CREB3L2: variants seen among roughly 807,000 people sequenced by gnomAD.
CREB3L2 encodes cyclic AMP-responsive element-binding protein 3-like protein 2.
In CREB3L2, 23 loss-of-function variants were observed where a neutral mutation model predicts 57.2. The ratio of observed to expected loss-of-function variants is 0.40; its 90% CI spans 0.29 to 0.57. The LOEUF is 0.57. CREB3L2 is among the 20% of genes least tolerant of loss of function. The pLI, the probability that CREB3L2 is intolerant of heterozygous loss-of-function variation, is 0.42. For synonymous variants in CREB3L2, 268 were observed against 265.1 expected, an observed-to-expected ratio of 1.01 and a Z score of -0.11; for missense variants, 628 against 634.7, an observed-to-expected ratio of 0.99 and a Z score of 0.11.
Position 137,899,107 on chromosome 7 carries a change from A to AGGAAGGAAGGAAGGAAGGAAGGAAGGAG in CREB3L2, c.1043+2246_1043+2247insCTCCTTCCTTCCTTCCTTCCTTCCTTCC, listed in dbSNP as rs1563243990. Among the ~76,000 whole-genome samples, 256 of 49,410 alleles carry AGGAAGGAAGGAAGGAAGGAAGGAAGGAG rather than the reference A, an allele frequency of 5.2e-3. 4 individuals are homozygous for AGGAAGGAAGGAAGGAAGGAAGGAAGGAG. The highest frequency in any genetic ancestry group is 0.017 in the African/African-American group (248 of 14,778). 32.4% of individuals were successfully genotyped at this position (49,410 alleles called of 152,430 possible). On this transcript the variant is annotated intron_variant, in intron 8 of 11. Transcript: ENST00000330387. Reference sequence around the variant, plus strand: ...AAGAAAAAGGAAAGAGAAGGAAGGAAGGAAGGAAGGAAGGAAGGAAGGAAG... The same window carrying AGGAAGGAAGGAAGGAAGGAAGGAAGGAG: ...AAGAAAAAGGAAAGAGAAGGAAGGAAGGAAGGAAGGAAGGAAGGAAGGAAGGAGGGAAGGAAGGAAGGAAGGAAGGAAG...
rs201218730 is a variant in CREB3L2 at position 137,960,443 on chromosome 7, A to T, written c.103-32077T>A. Among the ~76,000 whole-genome samples, 8 of 152,308 alleles carry T rather than the reference A, an allele frequency of 5.3e-5. No individual in the cohort carries two copies. In the East Asian group the frequency reaches 1.5e-3, roughly 29 times the overall value. On this transcript the variant is annotated intron_variant, in intron 1 of 11. Coordinates refer to ENST00000330387, the MANE Select transcript of CREB3L2 (RefSeq NM_194071.4). Reference sequence around the variant, plus strand: ...CACACAGGGGGGTGGGGAGAGAGAAAATAAAAGAAAGAAGTAATTGTGAAA... The same window carrying T: ...CACACAGGGGGGTGGGGAGAGAGAATATAAAAGAAAGAAGTAATTGTGAAA...
rs1563262334 is a variant in CREB3L2 at position 137,946,902 on chromosome 7, A to C, written c.103-18536T>G. On this transcript the variant is annotated intron_variant, in intron 1 of 11. Transcript: ENST00000330387. ...TATCTATATAGTTATATATATAGTT[A>C]TATATATAGTTATATATATAGTTAT... Among the ~76,000 whole-genome samples the C allele has an allele frequency of 4.7e-4, 12 of 25,742 alleles. 1 individual carries two copies. The highest frequency in any genetic ancestry group is 1.3e-3 in the South Asian group (1 of 764). The allele number at this position is 25,742 out of a possible 152,430, so 16.9% of individuals were successfully genotyped here.
chr7:137,981,424 C>T (rs1801709296), intron 1 of CREB3L2, among the ~76,000 whole-genome samples: 2 of 152,122 alleles, frequency 1.3e-5, no homozygotes, highest in East Asian at 3.9e-4. Flanking sequence ...GAAAACATAT[C>T]AAATGAGGTC....
intron 1 of CREB3L2, among the ~76,000 whole-genome samples, chr7:137,932,391 T>C (rs924460648): frequency 6.6e-6 from 1 of 152,146 alleles, no homozygotes; most frequent in African/African-American, 2.4e-5. Context: ...AATTTGATGA[T>C]CCACCCTCAG....
intron 1 of CREB3L2, among the ~76,000 whole-genome samples, chr7:137,956,007 C>G (rs924991953): frequency 6.6e-6 from 1 of 152,162 alleles, no homozygotes; most frequent in Non-Finnish European, 1.5e-5. Flanking sequence ...CTTGAAATCA[C>G]TCATACTTTG....
In CREB3L2 at chr7:137,942,221, T is replaced by C. The variant is rs905308555; in HGVS notation, c.103-13855A>G. 9.2e-5 allele frequency among the ~76,000 whole-genome samples: 14 copies of C among 152,254 alleles called. 1 individual carries two copies. Among genetic ancestry groups the C allele is most frequent in the Admixed American group, 1.3e-4 (2 of 15,282 alleles). On this transcript the variant is annotated intron_variant, in intron 1 of 11. Transcript: ENST00000330387. ...TTCAAACTTTTATGAAGGAACTGTT[T>C]AAAGCTGAACTGCACTATCAAGTTC...
At chr7:137,950,484 T>C (rs541448861) in intron 1 of CREB3L2, among the ~76,000 whole-genome samples, 4 of 152,196 alleles carry the variant, frequency 2.6e-5, no homozygotes, top group Non-Finnish European at 5.9e-5. Context: ...CACTGTTCCC[T>C]ACTGAGACAC....
intron 7 of CREB3L2, among the ~76,000 whole-genome samples, chr7:137,903,437 G>C (rs1333561132): frequency 6.6e-6 from 1 of 151,544 alleles, no homozygotes; most frequent in Non-Finnish European, 1.5e-5. Flanking sequence ...CAGCCCGCCT[G>C]ATATTACAGA....
chr7:137,877,993 G>C lies in CREB3L2; in HGVS notation c.*2483C>G, dbSNP rs1361059656. ...GTGGAGGGCAGAGGTTTATCTAAAA[G>C]AGCAGTGATGTTGGTTCTTGGAGCC... is the stretch of plus-strand genomic sequence containing the variant. On this transcript the variant is annotated 3_prime_UTR_variant, in exon 12 of 12. Transcript: ENST00000330387. 8.8e-6 allele frequency: 2 copies of C among 228,056 alleles called. No individual in the cohort carries two copies. Among genetic ancestry groups the C allele is most frequent in the Middle Eastern group, 1.3e-3 (1 of 758 alleles). 14.1% of individuals were successfully genotyped at this position (228,056 alleles called of 1,614,324 possible).
chr7:137,960,869 A>C (rs1408928766), intron 1 of CREB3L2, among the ~76,000 whole-genome samples: 3 of 119,830 alleles, frequency 2.5e-5, no homozygotes, highest in Admixed American at 1.2e-4. Flanking sequence ...GCTGGAGTGC[A>C]ATGGCACGAT....
chr7:137,938,196 GTATCTACCATCA>G (rs1189254038), intron 1 of CREB3L2, among the ~76,000 whole-genome samples: 1 of 152,138 alleles, frequency 6.6e-6, no homozygotes. Context: ...ATGTGTCAAT[GTATCTACCATCA>G]TGTCTACCAA....
chr7:137,897,101 A>G (rs776683022), intron 8 of CREB3L2, among the ~76,000 whole-genome samples: 6 of 152,128 alleles, frequency 3.9e-5, no homozygotes, highest in East Asian at 3.9e-4. Context: ...CACCAAAAAG[A>G]AAAAGAAAAA....
chr7:137,948,756 T>A (rs926216236), intron 1 of CREB3L2, among the ~76,000 whole-genome samples: 2 of 152,204 alleles, frequency 1.3e-5, no homozygotes, highest in Non-Finnish European at 2.9e-5. Context: ...GAATTGACCA[T>A]TCCTATCCAG....
rs1387106755 is a variant in CREB3L2 at position 137,875,173 on chromosome 7, G to GT, written c.*5302dup. 3.4e-5 allele frequency: 7 copies of GT among 205,974 alleles called. No individual in the cohort carries two copies. Among genetic ancestry groups the GT allele is most frequent in the Non-Finnish European group, 5.9e-5 (6 of 101,176 alleles). The allele number at this position is 205,974 out of a possible 1,614,324, so 12.8% of individuals were successfully genotyped here. On this transcript the variant is annotated 3_prime_UTR_variant, in exon 12 of 12. Transcript: ENST00000330387. Reference sequence around the variant, plus strand: ...ATAGGACAGATAACAGACTCACAACGTATTTAGATTTAAACACTGCTGGTC... The same window carrying GT: ...ATAGGACAGATAACAGACTCACAACGTTATTTAGATTTAAACACTGCTGGTC...
Position 137,882,421 on chromosome 7 carries a change from T to C in CREB3L2, c.1478A>G (p.Gln493Arg). ...SLEKSVLLEL[Q>R]QHLVSAKLEG... ...TGTCTCTATGACTCACAGGTGCTGC[T>C]GCAGCTCCAAAAGCACTGACTTCTC... Residue 493 changes from glutamine (Q) to arginine (R), a missense_variant, in exon 11 of 12, where the codon CAG becomes CGG. By Grantham distance (43) the Gln-to-Arg change is conservative (BLOSUM62 1). This residue lies in a region of CREB3L2 where 272 missense variants were observed against 242.7 expected (regional missense o/e 1.12). Transcript: ENST00000330387. The C allele has an allele frequency of 6.2e-7, 1 of 1,612,706 alleles. No homozygotes were observed. Among genetic ancestry groups the C allele is most frequent in the Non-Finnish European group, 8.5e-7 (1 of 1,178,894 alleles).
intron 1 of CREB3L2, among the ~76,000 whole-genome samples, chr7:137,972,718 T>C (rs1467033772): frequency 6.7e-5 from 2 of 29,834 alleles, no homozygotes; most frequent in African/African-American, 2.7e-4. Flanking sequence ...AAAAAATATA[T>C]ATATATATAT....
intron 1 of CREB3L2, among the ~76,000 whole-genome samples, chr7:137,966,981 C>T (rs893479011): frequency 7.9e-5 from 12 of 152,248 alleles, no homozygotes; most frequent in Non-Finnish European, 1.5e-4. Context: ...GTTTACATGA[C>T]GTCATGAGGT....
intron 1 of CREB3L2, among the ~76,000 whole-genome samples, chr7:137,944,098 G>T (rs574527332): frequency 6.6e-6 from 1 of 152,238 alleles, no homozygotes; most frequent in Non-Finnish European, 1.5e-5. Context: ...CTTCACATTT[G>T]CAAAGTCTGG....
At chr7:137,935,453 T>C (rs1800759341) in intron 1 of CREB3L2, among the ~76,000 whole-genome samples, 1 of 152,242 alleles carries the variant, frequency 6.6e-6, no homozygotes, top group Non-Finnish European at 1.5e-5. Context: ...ACACCTTGAA[T>C]TGATCTCTCA....
Sources: allele counts gnomAD v4.1 joint callset (sites outside exome capture counted in the v4.1 genomes callset), GRCh38; gene constraint gnomAD v4.1.1; regional missense constraint gnomAD v4.1.1; transcripts MANE v1.5; gene names NCBI Gene and HGNC (gene_info 2026-07-23, HGNC 2026-07-21).